The following EHMT1 variants were observed in gnomAD, a reference collection of about 807,000 sequenced individuals.
The protein encoded by EHMT1 is histone-lysine N-methyltransferase EHMT1.
EHMT1 carries 15 observed loss-of-function variants against 147.2 expected under a neutral mutation model. The observed-to-expected ratio is 0.10, with a 90% CI of 0.07 to 0.16. The LOEUF is 0.16. EHMT1 is among the 10% of genes least tolerant of loss of function. EHMT1 has a pLI of 1.00. For synonymous variants in EHMT1, 795 were observed against 709.6 expected, an observed-to-expected ratio of 1.12 and a Z score of -1.91; for missense variants, 1,587 against 1,772.4, an observed-to-expected ratio of 0.90 and a Z score of 1.88.
intron 1 of EHMT1, among the ~76,000 whole-genome samples, chr9:137,692,967 G>A (rs1943070184): frequency 6.6e-6 from 1 of 152,186 alleles, no homozygotes; most frequent in Non-Finnish European, 1.5e-5. Context: ...CACAAGGGTT[G>A]TCCTTGGAAT....
rs537592984 is a variant in EHMT1, at chr9:137,670,468, G to A, written c.22-40499G>A. On this transcript the variant is annotated intron_variant, in intron 1 of 26. Transcript: ENST00000460843. ...TCCCCCCGGTGCTGGGTGCAGCTCA[G>A]CCTCTGGACTCTGGTGTCCTGTGCC... 1.1e-4 allele frequency among the ~76,000 whole-genome samples: 17 copies of A among 152,234 alleles called. No homozygotes were observed. In the East Asian group the frequency reaches 3.3e-3, roughly 29 times the overall value.
At chr9:137,748,397 G>A (rs1448027234) in intron 6 of EHMT1, among the ~76,000 whole-genome samples, 2 of 152,202 alleles carry the variant, frequency 1.3e-5, no homozygotes, top group Non-Finnish European at 2.9e-5. Flanking sequence ...TCTCGTGTCT[G>A]TGTCCGTCCC....
rs1395716534 is a variant in EHMT1, at chr9:137,728,392, A to G, written c.686A>G (p.Asp229Gly). The G allele has an allele frequency of 6.2e-7, 1 of 1,614,226 alleles. No homozygotes were observed. The highest frequency in any genetic ancestry group is 1.1e-5 in the South Asian group (1 of 91,082). ...CCCAGAGAAGTTCGAGAAGCTAGAG[A>G]TCATAAGGAACCAAAAGAGGAGATC... The part of the protein sequence containing the change: ...KDPREVREAR[D>G]HKEPKEEINK... Residue 229 changes from aspartate to glycine, a missense_variant, in exon 4 of 27, where the codon GAT becomes GGT. By Grantham distance (94) the Asp-to-Gly change is moderately conservative. This residue lies in a region of EHMT1 where 810 missense variants were observed against 673.0 expected (regional missense o/e 1.20). Transcript: ENST00000460843.
chr9:137,820,237 C>G (rs1955295659), intron 25 of EHMT1: 1 of 152,306 alleles, frequency 6.6e-6, no homozygotes, highest in African/African-American at 2.4e-5. Context: ...TCACAGTGTA[C>G]AGGCATCTCC....
chr9:137,718,197 G>C (rs905511802), intron 3 of EHMT1, among the ~76,000 whole-genome samples: 1 of 151,386 alleles, frequency 6.6e-6, no homozygotes, highest in African/African-American at 2.4e-5. Flanking sequence ...CCCCTCACGC[G>C]CACCGTGCTG....
At chr9:137,772,474 G>A (rs1950651843) in intron 10 of EHMT1, among the ~76,000 whole-genome samples, 1 of 152,186 alleles carries the variant, frequency 6.6e-6, no homozygotes, top group Non-Finnish European at 1.5e-5. Context: ...CGCCAGGTGG[G>A]GTGCCTAGCT....
At chr9:137,822,367 T>C (rs73578897) in intron 25 of EHMT1, among the ~76,000 whole-genome samples, 1,625 of 152,276 alleles carry the variant, frequency 0.011, 32 homozygotes, top group African/African-American at 0.036. Flanking sequence ...TGGACATGAA[T>C]TTTTATTTCT....
intron 1 of EHMT1, among the ~76,000 whole-genome samples, chr9:137,701,234 G>A (rs1420747970): frequency 1.3e-5 from 2 of 151,414 alleles, no homozygotes; most frequent in African/African-American, 2.4e-5. Context: ...ATATCATTTT[G>A]CCCCTGATCC....
chr9:137,753,055 C>T (rs551742386), intron 7 of EHMT1, among the ~76,000 whole-genome samples: 1 of 152,076 alleles, frequency 6.6e-6, no homozygotes, highest in Non-Finnish European at 1.5e-5. Flanking sequence ...GTAAGAGCAG[C>T]GAGTCCCCAG....
rs1407821795 is a variant in EHMT1 at position 137,813,240 on chromosome 9, GA to G, written c.3035+70del. 1.9e-6 allele frequency: 3 copies of G among 1,583,042 alleles called. No homozygotes were observed. Among genetic ancestry groups the G allele is most frequent in the Non-Finnish European group, 2.6e-6 (3 of 1,170,850 alleles). On this transcript the variant is annotated intron_variant, in intron 20 of 26. Transcript: ENST00000460843. This position sits in a 1 kb window ranked among gnomAD's most constrained non-coding sequence, Gnocchi z 4.9. Reference sequence around the variant, plus strand: ...CAGCAGGGCTTTGGGAACTTGCGGTGAAAGCTGCTCCTGAAGCCGAAACATC... The same window carrying G: ...CAGCAGGGCTTTGGGAACTTGCGGTGAAGCTGCTCCTGAAGCCGAAACATC...
intron 16 of EHMT1, chr9:137,792,110 C>T (rs1432709913): frequency 4.3e-6 from 2 of 469,840 alleles, no homozygotes; most frequent in African/African-American, 2.0e-5. Context: ...AGAAGCCAAA[C>T]AATTTTGTGA....
chr9:137,633,960 C>G (rs959891009), intron 1 of EHMT1, among the ~76,000 whole-genome samples: 2 of 151,938 alleles, frequency 1.3e-5, no homozygotes, highest in Non-Finnish European at 2.9e-5. Flanking sequence ...ATTACAGGTG[C>G]GCACCAGCAC....
chr9:137,817,937 GT>G, intron 24 of EHMT1, 122 bp from the exon 25 acceptor site: 1 of 946,480 alleles, frequency 1.1e-6, no homozygotes, highest in Non-Finnish European at 1.7e-6. Context: ...CTCTAAACAT[GT>G]TCCCTGCATG....
rs532022988 is a variant in EHMT1 at position 137,818,007 on chromosome 9, G to A, written c.3462-53G>A. 18 of 1,567,440 alleles carry A rather than the reference G, an allele frequency of 1.1e-5. No homozygotes were observed. The East Asian group carries it at 4.0e-4, about 35-fold the overall frequency. ...TGCGGAGTCTGGGCTGTGCTTGTCT[G>A]TGGGCAGTGCTCGCTGCCTTCCAGG... is the stretch of plus-strand genomic sequence containing the variant. On this transcript the variant is annotated intron_variant, in intron 24 of 26. Transcript: ENST00000460843.
At chr9:137,831,931 G>A (rs1956216952) in intron 25 of EHMT1, among the ~76,000 whole-genome samples, 1 of 151,760 alleles carries the variant, frequency 6.6e-6, no homozygotes, top group African/African-American at 2.4e-5. Context: ...TCCCTCCACA[G>A]GCTCCGCCTC....
chr9:137,662,309 C>T (rs1266177796), intron 1 of EHMT1, among the ~76,000 whole-genome samples: 6 of 151,624 alleles, frequency 4.0e-5, no homozygotes, highest in Non-Finnish European at 7.4e-5. Flanking sequence ...GTGATCCTTC[C>T]ACCTCAGCTT....
intron 4 of EHMT1, among the ~76,000 whole-genome samples, chr9:137,737,221 T>A (rs1404792955): frequency 6.6e-6 from 1 of 152,082 alleles, no homozygotes; most frequent in African/African-American, 2.4e-5. Flanking sequence ...TAAAAAATAA[T>A]ATATGTATAT....
chr9:137,813,643 G>C lies in EHMT1; in HGVS notation c.3180+113G>C, dbSNP rs1335376938. Reference sequence around the variant, plus strand: ...CTCAGAGCAGGAGGGCTTATGGGGGGCTTCCCAGGAAGACCTCATTCTCTT... The same window carrying C: ...CTCAGAGCAGGAGGGCTTATGGGGGCCTTCCCAGGAAGACCTCATTCTCTT... On this transcript the variant is annotated intron_variant, in intron 21 of 26. Transcript: ENST00000460843. The surrounding 1 kb of genome is among the most constrained non-coding windows in gnomAD (Gnocchi z 4.9). 1 of 1,460,210 alleles carries C rather than the reference G, an allele frequency of 6.8e-7. No homozygotes were observed. The highest frequency in any genetic ancestry group is 9.3e-7 in the Non-Finnish European group (1 of 1,069,878). 90.5% of individuals were successfully genotyped at this position (1,460,210 alleles called of 1,614,324 possible). A position where few individuals can be genotyped will look rare whatever the true frequency, so the allele number is the denominator to read the frequency against.
At chr9:137,671,520 C>CT (rs71493689) in intron 1 of EHMT1, among the ~76,000 whole-genome samples, 15,266 of 105,290 alleles carry the variant, frequency 0.14, 1,414 homozygotes, top group Admixed American at 0.23. Context: ...CCTTTTCTTT[C>CT]TTTTTTTTTT....
Sources: allele counts gnomAD v4.1 joint callset (sites outside exome capture counted in the v4.1 genomes callset), GRCh38; gene constraint gnomAD v4.1.1; regional missense constraint gnomAD v4.1.1; non-coding constraint Gnocchi (gnomAD v3.1); transcripts MANE v1.5; gene names NCBI Gene and HGNC (gene_info 2026-07-23, HGNC 2026-07-21).